Variants in HTR7 observed in about 807,000 individuals in gnomAD.
HTR7 encodes the protein 5-HT-7.
In HTR7, 16 loss-of-function variants were observed where a neutral mutation model predicts 34.0. The ratio of observed to expected loss-of-function variants is 0.47; its 90% CI spans 0.32 to 0.71. HTR7 has a LOEUF of 0.71. Ranked by LOEUF, HTR7 falls within the 30% of genes least tolerant of loss-of-function variation. HTR7 has a pLI of 0.04. For synonymous variants in HTR7, 265 were observed against 260.2 expected (o/e 1.02, Z -0.18); for missense variants, 504 against 625.5 (o/e 0.81, Z 2.07).
intron 1 of HTR7, among the ~76,000 whole-genome samples, chr10:90,808,705 C>G (rs1294329435): frequency 6.6e-6 from 1 of 152,006 alleles, no homozygotes; most frequent in Non-Finnish European, 1.5e-5. Flanking sequence ...TATGGGCAAC[C>G]TTCCACCCTC....
intron 1 of HTR7, among the ~76,000 whole-genome samples, chr10:90,786,461 A>C (rs1013797731): frequency 6.6e-6 from 1 of 152,328 alleles, no homozygotes; most frequent in East Asian, 1.9e-4. Flanking sequence ...TTTGTTCCTA[A>C]TATCTAAGAA....
chr10:90,837,809 C>G (rs1425774948), intron 1 of HTR7, among the ~76,000 whole-genome samples: 3 of 152,240 alleles, frequency 2.0e-5, no homozygotes, highest in Admixed American at 2.0e-4. Context: ...CTCTCCTTTC[C>G]TCTCATCTTC....
intron 1 of HTR7, among the ~76,000 whole-genome samples, chr10:90,750,667 C>A (rs1295359134): frequency 1.3e-5 from 2 of 152,180 alleles, no homozygotes; most frequent in Non-Finnish European, 2.9e-5. Context: ...AACTTACCAA[C>A]AGGTTATTTT....
At chr10:90,774,713 C>A (rs747597207) in intron 1 of HTR7, among the ~76,000 whole-genome samples, 8 of 152,152 alleles carry the variant, frequency 5.3e-5, no homozygotes, top group Non-Finnish European at 8.8e-5. Context: ...AGTGCATGGG[C>A]CCCACAGCCC....
At chr10:90,753,091 A>G (rs141740127) in intron 1 of HTR7, among the ~76,000 whole-genome samples, 30 of 152,350 alleles carry the variant, frequency 2.0e-4, no homozygotes, top group Non-Finnish European at 3.2e-4. Flanking sequence ...AGAAATCTAA[A>G]TGGCAATATC....
At chr10:90,806,150 CTAGTT>C (rs561023657) in intron 1 of HTR7, among the ~76,000 whole-genome samples, 1 of 152,028 alleles carries the variant, frequency 6.6e-6, no homozygotes, top group East Asian at 1.9e-4. Context: ...GTAAATTTGT[CTAGTT>C]TGGAGGCTAC....
At chr10:90,823,206 A>G (rs968718533) in intron 1 of HTR7, among the ~76,000 whole-genome samples, 5 of 152,202 alleles carry the variant, frequency 3.3e-5, no homozygotes, top group Non-Finnish European at 7.3e-5. Flanking sequence ...GCACCTGGAA[A>G]AGCTGCAGGC....
intron 1 of HTR7, among the ~76,000 whole-genome samples, chr10:90,794,576 C>T (rs937800950): frequency 1.3e-5 from 2 of 152,164 alleles, no homozygotes; most frequent in Non-Finnish European, 2.9e-5. Context: ...TCACTACAGC[C>T]TCAACCTTCT....
At chr10:90,802,996 C>CTTTTTTTTTTTTT (rs35715510) in intron 1 of HTR7, among the ~76,000 whole-genome samples, 33 of 88,998 alleles carry the variant, frequency 3.7e-4, no homozygotes, top group African/African-American at 8.4e-4. Context: ...CATTTGTGGC[C>CTTTTTTTTTTTTT]TTTTTTTTTT....
At chr10:90,826,475 T>C (rs1846076031) in intron 1 of HTR7, among the ~76,000 whole-genome samples, 1 of 152,190 alleles carries the variant, frequency 6.6e-6, no homozygotes, top group South Asian at 2.1e-4. Context: ...AATTGTGGTA[T>C]GTTAACTACT....
intron 1 of HTR7, among the ~76,000 whole-genome samples, chr10:90,832,653 C>T: frequency 6.6e-6 from 1 of 152,202 alleles, no homozygotes; most frequent in East Asian, 1.9e-4. Flanking sequence ...AAGGGCTCCT[C>T]AAGCATGGCC....
At chr10:90,844,583 C>T (rs1482652149) in intron 1 of HTR7, among the ~76,000 whole-genome samples, 3 of 151,178 alleles carry the variant, frequency 2.0e-5, no homozygotes, top group South Asian at 2.1e-4. Context: ...AAAAATTAGC[C>T]GGGCGTGGTG....
At chr10:90,809,896 C>T (rs1252986102) in intron 1 of HTR7, among the ~76,000 whole-genome samples, 1 of 152,254 alleles carries the variant, frequency 6.6e-6, no homozygotes, top group Admixed American at 6.5e-5. Context: ...CGGCTGAAGA[C>T]TGACACTGCC....
chr10:90,827,865 A>C (rs2120037129), intron 1 of HTR7, among the ~76,000 whole-genome samples: 1 of 152,312 alleles, frequency 6.6e-6, no homozygotes, highest in East Asian at 1.9e-4. Context: ...CCATGGACCA[A>C]ATTGACCTAA....
intron 1 of HTR7, among the ~76,000 whole-genome samples, chr10:90,815,509 C>T (rs757272690): frequency 1.3e-4 from 20 of 152,264 alleles, no homozygotes; most frequent in Non-Finnish European, 2.5e-4. Context: ...GATGTAAATG[C>T]GCCCCTCAGG....
chr10:90,817,344 C>T (rs1456865656), intron 1 of HTR7, among the ~76,000 whole-genome samples: 2 of 152,138 alleles, frequency 1.3e-5, no homozygotes, highest in Non-Finnish European at 2.9e-5. Context: ...CTAGTCCTTT[C>T]AAAAGACTAC....
chr10:90,803,663 G>A (rs1264469774), intron 1 of HTR7, among the ~76,000 whole-genome samples: 1 of 152,162 alleles, frequency 6.6e-6, no homozygotes, highest in Admixed American at 6.5e-5. Context: ...TCATCTGATG[G>A]TTGCCTGACA....
intron 1 of HTR7, among the ~76,000 whole-genome samples, chr10:90,831,578 GC>G (rs1382958886): frequency 6.6e-6 from 1 of 152,218 alleles, no homozygotes; most frequent in Non-Finnish European, 1.5e-5. Flanking sequence ...CCAGCGGGTT[GC>G]CACTGCTGGC....
intron 1 of HTR7, among the ~76,000 whole-genome samples, chr10:90,791,616 C>T (rs544027116): frequency 3.9e-5 from 6 of 152,110 alleles, no homozygotes; most frequent in African/African-American, 1.4e-4. Context: ...AATGTCATAG[C>T]CCCCAAAATT....
Sources: gnomAD v4.1 joint callset for allele counts (sites outside exome capture counted in the v4.1 genomes callset) on GRCh38, gnomAD v4.1.1 for gene constraint, MANE v1.5 for transcripts, NCBI Gene and HGNC (gene_info 2026-07-23, HGNC 2026-07-21) for gene names.